The following ZNF292 variants were observed in gnomAD, a reference collection of about 807,000 sequenced individuals.
ZNF292 encodes the protein 16 zinc-finger domain protein.
In ZNF292, 26 loss-of-function variants were observed where a neutral mutation model predicts 217.9. That is an observed-to-expected ratio of 0.12 (90% confidence interval 0.09 to 0.17). The LOEUF is 0.17. ZNF292 is among the 10% of genes least tolerant of loss of function. ZNF292 has a pLI of 1.00. For synonymous variants in ZNF292, 1,257 were observed against 1,124.1 expected, an observed-to-expected ratio of 1.12 and a Z score of -2.37; for missense variants, 2,904 against 3,175.2, an observed-to-expected ratio of 0.91 and a Z score of 2.05.
chr6:87,239,825 AG>A (rs1774160089), intron 5 of ZNF292, among the ~76,000 whole-genome samples: 1 of 151,066 alleles, frequency 6.6e-6, no homozygotes, highest in South Asian at 2.1e-4. Context: ...CTCACTTCCT[AG>A]ACGGGATGGC....
At chr6:87,252,704 A>G (rs936804406) in intron 7 of ZNF292, among the ~76,000 whole-genome samples, 3 of 151,984 alleles carry the variant, frequency 2.0e-5, no homozygotes, top group Non-Finnish European at 4.4e-5. Context: ...TTTCTTGCAT[A>G]TCGTAATAGA....
chr6:87,158,000 C>T lies in ZNF292; in HGVS notation c.168+2241C>T, dbSNP rs138055246. Among the ~76,000 whole-genome samples the T allele has an allele frequency of 6.9e-3, 1,051 of 152,120 alleles. 17 individuals are homozygous for T. The highest frequency in any genetic ancestry group is 0.023 in the African/African-American group (951 of 41,462). On this transcript the variant is annotated intron_variant, in intron 1 of 7. Coordinates refer to ENST00000369577, the MANE Select transcript of ZNF292 (RefSeq NM_015021.3). ...GTGCTGGGATTACAGGTGTGAGCAC[C>T]GCGTCCCGCCAGACTTGAGTTTTTT...
chr6:87,238,905 A>G (rs1487225159), intron 5 of ZNF292, among the ~76,000 whole-genome samples: 1 of 151,974 alleles, frequency 6.6e-6, no homozygotes, highest in Non-Finnish European at 1.5e-5. Flanking sequence ...GCTGCCTTCA[A>G]GCATCTGTTT....
chr6:87,238,871 G>T (rs183274400), intron 5 of ZNF292, among the ~76,000 whole-genome samples: 2 of 151,446 alleles, frequency 1.3e-5, no homozygotes, highest in Non-Finnish European at 2.9e-5. Context: ...AGATTAGGGA[G>T]TGGTGATGAC....
chr6:87,236,192 A>G (rs1256101585), intron 5 of ZNF292, among the ~76,000 whole-genome samples: 1 of 152,080 alleles, frequency 6.6e-6, no homozygotes, highest in Non-Finnish European at 1.5e-5. Flanking sequence ...GTTTCTTACA[A>G]GTATTTGAGG....
chr6:87,247,471 A>G (rs1207758292), intron 7 of ZNF292, among the ~76,000 whole-genome samples: 1 of 152,146 alleles, frequency 6.6e-6, no homozygotes, highest in Non-Finnish European at 1.5e-5. Context: ...GGAAGTTATA[A>G]CTACAAGTCT....
chr6:87,241,292 A>G (rs556803279), intron 5 of ZNF292, among the ~76,000 whole-genome samples: 8 of 152,230 alleles, frequency 5.3e-5, no homozygotes, highest in African/African-American at 1.7e-4. Context: ...TCATAAATAA[A>G]TAAATAAATA....
Position 87,184,519 on chromosome 6 carries a change from T to C in ZNF292, c.168+28760T>C, listed in dbSNP as rs568036732. Among the ~76,000 whole-genome samples, 3 of 147,778 alleles carry C rather than the reference T, an allele frequency of 2.0e-5. No individual in the cohort carries two copies. The East Asian group carries it at 6.0e-4, about 30-fold the overall frequency. ...GGGACAGTTCCGTAGATGTCTTCCA[T>C]TGTGTTGTAAGGAATACAATAAGAA... On this transcript the variant is annotated intron_variant, in intron 1 of 7. Transcript: ENST00000369577.
chr6:87,250,076 C>G (rs1415922937), intron 7 of ZNF292, among the ~76,000 whole-genome samples: 1 of 149,424 alleles, frequency 6.7e-6, no homozygotes, highest in African/African-American at 2.5e-5. Flanking sequence ...TATCAACCAG[C>G]TACTCATATG....
chr6:87,263,221 A>G lies in ZNF292; in HGVS notation c.*1420A>G, dbSNP rs1775692590. 1 of 152,078 alleles carries G rather than the reference A, an allele frequency of 6.6e-6. No individual in the cohort carries two copies. Among genetic ancestry groups the G allele is most frequent in the Non-Finnish European group, 1.5e-5 (1 of 67,930 alleles). The allele number at this position is 152,078 out of a possible 1,614,324, so 9.4% of individuals were successfully genotyped here. A position where few individuals can be genotyped will look rare whatever the true frequency, so the allele number is the denominator to read the frequency against. ...GTTGATGACCTTCATTTAAAGTCCA[A>G]CTAAAATCAGTAGTAGAAACATAAG... On this transcript the variant is annotated 3_prime_UTR_variant, in exon 8 of 8. Transcript: ENST00000369577.
Position 87,261,010 on chromosome 6 carries a change from A to G in ZNF292, c.7381A>G (p.Asn2461Asp). ...SDTCVSESND[N>D]SRTTATVSQK... ...CACGTGTGTATCAGAGAGCAATGAT[A>G]ATTCAAGAACAACAGCTACAGTTTC... The change falls in exon 8 of 8, where the codon AAT becomes GAT. Residue 2461 changes from asparagine (N) to aspartate (D), a missense_variant. By Grantham distance (23) the Asn-to-Asp change is conservative (BLOSUM62 1). Coordinates refer to ENST00000369577, the MANE Select transcript of ZNF292 (RefSeq NM_015021.3). 1 of 1,605,400 alleles carries G rather than the reference A, an allele frequency of 6.2e-7. No individual in the cohort carries two copies. Among genetic ancestry groups the G allele is most frequent in the Non-Finnish European group, 8.5e-7 (1 of 1,175,324 alleles).
Position 87,259,875 on chromosome 6 carries a change from T to A in ZNF292, c.6246T>A (p.Ile2082=). 6.2e-7 allele frequency: 1 copy of A among 1,613,320 alleles called. No individual in the cohort carries two copies. Among genetic ancestry groups the A allele is most frequent in the Non-Finnish European group, 8.5e-7 (1 of 1,179,634 alleles). The change falls in exon 8 of 8, where the codon ATT becomes ATA. Residue 2082 remains isoleucine, a synonymous_variant. Coordinates refer to ENST00000369577, the MANE Select transcript of ZNF292 (RefSeq NM_015021.3). ...ACACACAAACCAAAGGACGGAAGAT[T>A]AGGAGGCATAAAAAAGAAAAGGAGG... ...LTNTQTKGRK[I]RRHKKEKEEK...
intron 1 of ZNF292, among the ~76,000 whole-genome samples, chr6:87,204,525 A>G (rs1262078681): frequency 1.3e-5 from 1 of 76,710 alleles, no homozygotes; most frequent in African/African-American, 5.5e-5. Context: ...TTTAAAGTTT[A>G]TTGTAGGATT....
intron 5 of ZNF292, among the ~76,000 whole-genome samples, chr6:87,237,303 T>C (rs1171273736): frequency 1.3e-5 from 2 of 152,168 alleles, no homozygotes; most frequent in African/African-American, 4.8e-5. Context: ...TGGAGTGCAG[T>C]GGTGTGATCT....
intron 1 of ZNF292, among the ~76,000 whole-genome samples, chr6:87,205,168 G>A (rs1270711400): frequency 6.6e-6 from 1 of 152,026 alleles, no homozygotes; most frequent in African/African-American, 2.4e-5. Context: ...AAACTCCTGG[G>A]CTCGAGCGAT....
At position 87,261,904 on chromosome 6, in the gene ZNF292, A is replaced by G. The variant is rs1775624117; in HGVS notation, c.*103A>G. The G allele has an allele frequency of 1.1e-6, 1 of 912,064 alleles. No homozygotes were observed. Among genetic ancestry groups the G allele is most frequent in the East Asian group, 2.9e-5 (1 of 35,024 alleles). 56.5% of individuals were successfully genotyped at this position (912,064 alleles called of 1,614,324 possible). ...CTTTCATTATATTTTTTTGTTGTTG[A>G]CATGAATTAACCTGGCCAAAAACAA... On this transcript the variant is annotated 3_prime_UTR_variant, in exon 8 of 8. Coordinates refer to ENST00000369577, the MANE Select transcript of ZNF292 (RefSeq NM_015021.3).
At chr6:87,217,565 A>G (rs1042562683) in intron 3 of ZNF292, among the ~76,000 whole-genome samples, 3 of 152,146 alleles carry the variant, frequency 2.0e-5, no homozygotes, top group Non-Finnish European at 4.4e-5. Context: ...AATATGCATA[A>G]CCAGAATTCC....
intron 1 of ZNF292, among the ~76,000 whole-genome samples, chr6:87,200,941 C>T (rs1442413657): frequency 3.3e-5 from 5 of 152,088 alleles, no homozygotes; most frequent in Non-Finnish European, 5.9e-5. Flanking sequence ...TGCACTGGGC[C>T]GTTTGCCAGG....
chr6:87,227,006 A>G (rs1292919383), intron 4 of ZNF292, among the ~76,000 whole-genome samples: 1 of 152,144 alleles, frequency 6.6e-6, no homozygotes, highest in Non-Finnish European at 1.5e-5. Flanking sequence ...ATAATGTTAC[A>G]TGGAAAAATC....
Sources: gnomAD v4.1 joint callset for allele counts (sites outside exome capture counted in the v4.1 genomes callset) on GRCh38, gnomAD v4.1.1 for gene constraint, MANE v1.5 for transcripts, NCBI Gene and HGNC (gene_info 2026-07-23, HGNC 2026-07-21) for gene names.